The following ANKS1B variants were observed in gnomAD, a reference collection of about 807,000 sequenced individuals.
ANKS1B encodes the protein ankyrin repeat and sterile alpha motif domain containing 1B.
In ANKS1B, 36 loss-of-function variants were observed where a neutral mutation model predicts 148.3. The ratio of observed to expected loss-of-function variants is 0.24; its 90% CI spans 0.19 to 0.32. The LOEUF (loss-of-function observed/expected upper bound fraction) is 0.32. Among genes scored for constraint, ANKS1B ranks in the 10% least tolerant of loss-of-function variants. ANKS1B has a pLI of 1.00. For missense variants in ANKS1B, 1,157 were observed against 1,542.6 expected, an observed-to-expected ratio of 0.75 and a Z score of 4.19; for synonymous variants, 542 against 560.8, an observed-to-expected ratio of 0.97 and a Z score of 0.47.
At chr12:99,304,075 G>C (rs1442938288) in intron 12 of ANKS1B, among the ~76,000 whole-genome samples, 1 of 152,072 alleles carries the variant, frequency 6.6e-6, no homozygotes, top group African/African-American at 2.4e-5. Context: ...CTATAAACAT[G>C]CATGTGCAAG....
intron 8 of ANKS1B, among the ~76,000 whole-genome samples, chr12:99,731,795 C>G (rs1391786906): frequency 6.6e-6 from 1 of 152,062 alleles, no homozygotes; most frequent in Non-Finnish European, 1.5e-5. Flanking sequence ...ATCATACACA[C>G]ATAAAAACTG....
chr12:99,779,777 G>A (rs2064063818), intron 6 of ANKS1B, 94 bp downstream of exon 6: 1 of 922,238 alleles, frequency 1.1e-6, no homozygotes. Flanking sequence ...TTGTTCAAAA[G>A]TAAACACTAA....
At chr12:99,541,882 G>C (rs1362839378) in intron 9 of ANKS1B, among the ~76,000 whole-genome samples, 1 of 151,734 alleles carries the variant, frequency 6.6e-6, no homozygotes, top group African/African-American at 2.4e-5. Flanking sequence ...ATGCTTCCAT[G>C]ATAAAAGCAC....
intron 9 of ANKS1B, among the ~76,000 whole-genome samples, chr12:99,562,427 C>T (rs906115995): frequency 5.9e-5 from 9 of 152,214 alleles, no homozygotes; most frequent in Admixed American, 5.9e-4. Context: ...TCCTACATGG[C>T]ATCTTTTTCC....
intron 3 of ANKS1B, among the ~76,000 whole-genome samples, chr12:99,807,692 T>C (rs537512875): frequency 1.3e-5 from 2 of 152,268 alleles, no homozygotes; most frequent in South Asian, 4.2e-4. Context: ...ACTATTATCA[T>C]TATCTCCATT....
intron 15 of ANKS1B, among the ~76,000 whole-genome samples, chr12:99,115,800 C>T (rs150177510): frequency 1.6e-3 from 240 of 151,862 alleles, no homozygotes; most frequent in African/African-American, 5.4e-3. Flanking sequence ...GCTGTGGTGG[C>T]GCATGCCTGT....
Position 99,020,738 on chromosome 12 carries a change from G to A in ANKS1B, c.2778+32419C>T, listed in dbSNP as rs2099945309. ...ACTGTCTTTGGTTTGCTAAAAGAAT[G>A]AATGAATGATATAAAGGCATCTCAT... On this transcript the variant is annotated intron_variant, in intron 17 of 26. Coordinates refer to ENST00000683438, the MANE Select transcript of ANKS1B (RefSeq NM_001352186.2). Among the ~76,000 whole-genome samples, 3 of 152,074 alleles carry A rather than the reference G, an allele frequency of 2.0e-5. No homozygotes were observed. The South Asian group carries it at 6.2e-4, about 32-fold the overall frequency.
chr12:99,402,545 C>T (rs1319106217), intron 11 of ANKS1B, among the ~76,000 whole-genome samples: 2 of 145,624 alleles, frequency 1.4e-5, no homozygotes, highest in East Asian at 3.9e-4. Context: ...CATTTAGTTC[C>T]CAGTGATGAG....
chr12:99,189,497 G>A (rs550538861), intron 14 of ANKS1B, among the ~76,000 whole-genome samples: 10 of 152,136 alleles, frequency 6.6e-5, no homozygotes, highest in Admixed American at 6.5e-4. Context: ...TATCTACCAC[G>A]ATCAAGTTGG....
intron 14 of ANKS1B, among the ~76,000 whole-genome samples, chr12:99,165,747 GAGGA>G (rs2077128775): frequency 6.6e-6 from 1 of 151,834 alleles, no homozygotes; most frequent in African/African-American, 2.4e-5. Flanking sequence ...CCAGAAAGTT[GAGGA>G]GAGAGAATAC....
chr12:98,878,374 A>AAAACAAACAAACAAAC (rs3051082), intron 17 of ANKS1B, among the ~76,000 whole-genome samples: 2,445 of 150,406 alleles, frequency 0.016, 38 homozygotes, highest in African/African-American at 0.041. Context: ...ACCCTGTCTC[A>AAAACAAACAAACAAAC]AAACAAACAA....
intron 12 of ANKS1B, among the ~76,000 whole-genome samples, chr12:99,271,662 C>CTATATATATGTATATA (rs2077052136): frequency 1.1e-5 from 1 of 94,222 alleles, no homozygotes; most frequent in Non-Finnish European, 2.1e-5. Context: ...AGTCAATAAA[C>CTATATATATGTATATA]TATATATATA....
At chr12:98,750,082 C>T (rs1302026773) in intron 26 of ANKS1B, among the ~76,000 whole-genome samples, 1 of 151,908 alleles carries the variant, frequency 6.6e-6, no homozygotes. Flanking sequence ...TTTCAGATGT[C>T]TGTGAAGCAT....
intron 1 of ANKS1B, among the ~76,000 whole-genome samples, chr12:99,911,425 A>C (rs577155830): frequency 6.6e-6 from 1 of 152,318 alleles, no homozygotes; most frequent in African/African-American, 2.4e-5. Flanking sequence ...TTAAAAGTCC[A>C]TTTGTCCAAG....
At chr12:99,321,546 C>T (rs536131213) in intron 12 of ANKS1B, among the ~76,000 whole-genome samples, 10 of 152,308 alleles carry the variant, frequency 6.6e-5, no homozygotes, top group East Asian at 1.9e-4. Context: ...TTGCTAAGAC[C>T]GTTGGAAATG....
At chr12:99,819,827 A>C (rs564077747) in intron 2 of ANKS1B, among the ~76,000 whole-genome samples, 208 of 151,798 alleles carry the variant, frequency 1.4e-3, no homozygotes, top group African/African-American at 4.2e-3. Flanking sequence ...AAAGTCAGAA[A>C]GAAGGAAAAG....
At chr12:98,843,136 G>A (rs2099417242) in intron 17 of ANKS1B, among the ~76,000 whole-genome samples, 1 of 152,206 alleles carries the variant, frequency 6.6e-6, no homozygotes, top group Admixed American at 6.5e-5. Flanking sequence ...GCTATGATTT[G>A]AGTTTTCTCT....
At chr12:99,627,598 T>C (rs1012542104) in intron 9 of ANKS1B, among the ~76,000 whole-genome samples, 1 of 152,100 alleles carries the variant, frequency 6.6e-6, no homozygotes, top group Non-Finnish European at 1.5e-5. Flanking sequence ...CCAGCATATC[T>C]CCCTACAATG....
At chr12:99,418,800 A>G (rs1405962257) in intron 11 of ANKS1B, among the ~76,000 whole-genome samples, 1 of 152,162 alleles carries the variant, frequency 6.6e-6, no homozygotes, top group Non-Finnish European at 1.5e-5. Flanking sequence ...GATGCTCTTC[A>G]TCAAGTTGAG....
Sources: gnomAD v4.1 joint callset for allele counts (sites outside exome capture counted in the v4.1 genomes callset) on GRCh38, gnomAD v4.1.1 for gene constraint, MANE v1.5 for transcripts, NCBI Gene and HGNC (gene_info 2026-07-23, HGNC 2026-07-21) for gene names.